The following LIMK1 variants were observed in gnomAD, a reference collection of about 807,000 sequenced individuals.
LIMK1 encodes the protein LIM domain kinase 1.
In LIMK1, 21 loss-of-function variants were observed where a neutral mutation model predicts 77.6. That is an observed-to-expected ratio of 0.27 (90% CI 0.19 to 0.39). The LOEUF (loss-of-function observed/expected upper bound fraction) is 0.39, where lower values mean the gene tolerates loss of function less well. Among genes scored for constraint, LIMK1 ranks in the 10% least tolerant of loss-of-function variants. The probability of loss-of-function intolerance (pLI) is 1.00; values close to 1 mark genes in which losing one functional copy is unlikely to be tolerated. For synonymous variants in LIMK1, 358 were observed against 370.0 expected, an observed-to-expected ratio of 0.97 and a Z score of 0.37; for missense variants, 696 against 901.6, an observed-to-expected ratio of 0.77 and a Z score of 2.92.
At chr7:74,101,657 T>C (rs782697640) in intron 5 of LIMK1, among the ~76,000 whole-genome samples, 2 of 152,176 alleles carry the variant, frequency 1.3e-5, no homozygotes, top group Non-Finnish European at 1.5e-5. Context: ...GATTTACTTA[T>C]TTGTTTTAAA....
chr7:74,105,630 T>TG lies in LIMK1; in HGVS notation c.609-242dup, dbSNP rs577824613. On this transcript the variant is annotated intron_variant, in intron 5 of 15. Coordinates refer to ENST00000336180, the MANE Select transcript of LIMK1 (RefSeq NM_002314.4). ...AATGGGAACAGCTGAGCATCTTGTGTGGGTGGCCAGTGCCTACAAGCGTGC... is the reference window on the plus strand; with the variant it reads ...AATGGGAACAGCTGAGCATCTTGTGTGGGGTGGCCAGTGCCTACAAGCGTGC... Among the ~76,000 whole-genome samples, 230 of 152,236 alleles carry TG rather than the reference T, an allele frequency of 1.5e-3. 1 individual carries two copies. The highest frequency in any genetic ancestry group is 3.4e-3 in the Middle Eastern group (1 of 294).
rs370884302 is a variant in LIMK1 at position 74,119,294 on chromosome 7, TCA to T, written c.1568-1288_1568-1287del. Among the ~76,000 whole-genome samples the T allele has an allele frequency of 2.5e-3, 384 of 152,028 alleles. 19 individuals carry two copies. The South Asian group carries it at 0.076, about 30-fold the overall frequency. On this transcript the variant is annotated intron_variant, in intron 13 of 15. Coordinates refer to ENST00000336180, the MANE Select transcript of LIMK1 (RefSeq NM_002314.4). ...CCTGGGTTCAAGTGATTCTCCTGCCTCAGTTTCCCTAGTAGCTGGGATTACAG... is the reference window on the plus strand; with the variant it reads ...CCTGGGTTCAAGTGATTCTCCTGCCTGTTTCCCTAGTAGCTGGGATTACAG...
intron 2 of LIMK1, among the ~76,000 whole-genome samples, chr7:74,086,363 T>C (rs1455058062): frequency 2.0e-5 from 3 of 152,012 alleles, no homozygotes; most frequent in Admixed American, 6.5e-5. Context: ...TTTTCTTTTA[T>C]GTATTTTTCT....
In LIMK1 at chr7:74,088,622, G is replaced by A. The variant is rs181969281; in HGVS notation, c.152+2778G>A. Among the ~76,000 whole-genome samples the A allele has an allele frequency of 7.3e-3, 1,104 of 151,912 alleles. 12 individuals carry two copies. Among genetic ancestry groups the A allele is most frequent in the African/African-American group, 0.025 (1,038 of 41,448 alleles). ...TTGAGACCAGCCTGGCCAACGTGGT[G>A]AAACCCCCGTCTCTACTAAATATTC... On this transcript the variant is annotated intron_variant, in intron 2 of 15. Transcript: ENST00000336180.
At chr7:74,119,436 C>T (rs1313366510) in intron 13 of LIMK1, among the ~76,000 whole-genome samples, 1 of 151,032 alleles carries the variant, frequency 6.6e-6, no homozygotes, top group Non-Finnish European at 1.5e-5. Flanking sequence ...GCCTCGGCCT[C>T]CCAAAGTGCT....
At chr7:74,118,273 A>G (rs1554699924) in intron 13 of LIMK1, among the ~76,000 whole-genome samples, 2 of 151,054 alleles carry the variant, frequency 1.3e-5, no homozygotes. Flanking sequence ...GCTACCCGGG[A>G]GGCTGAGGCA....
chr7:74,108,205 A>G (rs919197943), intron 9 of LIMK1, among the ~76,000 whole-genome samples: 1 of 151,776 alleles, frequency 6.6e-6, no homozygotes, highest in African/African-American at 2.4e-5. Flanking sequence ...GAGCTTGGCA[A>G]TGTGCACCTG....
rs782606330 is a variant in LIMK1, at chr7:74,107,054, G to A, written c.926G>A (p.Gly309Asp). Reference sequence around the variant, plus strand: ...AGGTCTCCGGGCGCTGGCTCACTGGGCTCCCCGGCCTCCCAGCGCAAGGAC... The same window carrying A: ...AGGTCTCCGGGCGCTGGCTCACTGGACTCCCCGGCCTCCCAGCGCAAGGAC... ...IDRSPGAGSLGSPASQRKDLG... is the reference protein window; with the variant it reads ...IDRSPGAGSLDSPASQRKDLG... The change falls in exon 8 of 16, where the codon GGC becomes GAC. Residue 309 changes from glycine to aspartate, a missense_variant. By Grantham distance (94) the Gly-to-Asp change is moderately conservative. This residue lies in a region of LIMK1 where 438 missense variants were observed against 602.3 expected (regional missense o/e 0.73). Transcript: ENST00000336180. 1.2e-6 allele frequency: 2 copies of A among 1,604,044 alleles called. No homozygotes were observed. Among genetic ancestry groups the A allele is most frequent in the Non-Finnish European group, 1.7e-6 (2 of 1,176,702 alleles).
rs534083891 is a variant in LIMK1, at chr7:74,084,882, A to T, written c.55+837A>T. On this transcript the variant is annotated intron_variant, in intron 1 of 15. Transcript: ENST00000336180. ...TGACTCCACACCTCCCCCTGCCACC[A>T]ACTCTTCCCAGGCCCATGAAAACCT... Among the ~76,000 whole-genome samples, 4 of 152,002 alleles carry T rather than the reference A, an allele frequency of 2.6e-5. No homozygotes were observed. In the East Asian group the frequency reaches 7.8e-4, roughly 29 times the overall value.
chr7:74,117,127 C>G (rs540552128), intron 13 of LIMK1, among the ~76,000 whole-genome samples: 1 of 151,936 alleles, frequency 6.6e-6, no homozygotes, highest in Admixed American at 6.6e-5. Context: ...GTGATCCGCC[C>G]GTCTCGGCCT....
chr7:74,096,207 T>C (rs1554695574), intron 2 of LIMK1, among the ~76,000 whole-genome samples: 1 of 151,324 alleles, frequency 6.6e-6, no homozygotes, highest in Non-Finnish European at 1.5e-5. Context: ...CCAAGTGATC[T>C]GCCCACCTCG....
intron 2 of LIMK1, among the ~76,000 whole-genome samples, chr7:74,088,311 G>T (rs1344963111): frequency 2.0e-5 from 3 of 152,160 alleles, no homozygotes; most frequent in Non-Finnish European, 1.5e-5. Context: ...TCTGCATCAG[G>T]TGCTCAGAAA....
At chr7:74,106,447 G>A (rs1799576180) in intron 7 of LIMK1, among the ~76,000 whole-genome samples, 1 of 152,168 alleles carries the variant, frequency 6.6e-6, no homozygotes, top group African/African-American at 2.4e-5. Context: ...AAAAAAAGAG[G>A]AAACACACAT....
intron 1 of LIMK1, 27 bp downstream of exon 1, chr7:74,084,072 A>G: frequency 7.4e-7 from 1 of 1,351,880 alleles, no homozygotes; most frequent in Admixed American, 2.4e-5. Context: ...GTGTGGGGCG[A>G]GGGCCTGGAG....
intron 13 of LIMK1, among the ~76,000 whole-genome samples, chr7:74,118,757 C>T (rs1412583763): frequency 6.6e-6 from 1 of 151,592 alleles, no homozygotes; most frequent in Admixed American, 6.6e-5. Context: ...TCTCAAAAAA[C>T]AAAAAAGTCT....
intron 2 of LIMK1, chr7:74,093,235 G>T: frequency 2.0e-6 from 3 of 1,535,778 alleles, no homozygotes; most frequent in Non-Finnish European, 2.6e-6. Flanking sequence ...AGAGCCCCCA[G>T]TGTAGCCACA....
chr7:74,108,712 C>T (rs1799633758), intron 9 of LIMK1, among the ~76,000 whole-genome samples, 193 bp from the exon 10 acceptor site: 1 of 151,018 alleles, frequency 6.6e-6, no homozygotes, highest in African/African-American at 2.4e-5. Context: ...AAAAGAGCAT[C>T]GCTGGGGGTG....
intron 9 of LIMK1, 133 bp from the exon 10 acceptor site, chr7:74,108,772 A>G (rs568344151): frequency 8.6e-6 from 12 of 1,398,034 alleles, no homozygotes; most frequent in Non-Finnish European, 1.1e-5. Flanking sequence ...TGGCAGAGGC[A>G]GGAGAGGGGA....
At chr7:74,094,828 A>G (rs1188222197) in intron 2 of LIMK1, among the ~76,000 whole-genome samples, 2 of 147,772 alleles carry the variant, frequency 1.4e-5, no homozygotes, top group Non-Finnish European at 3.0e-5. Context: ...CGCCCCTGCC[A>G]CCGCCACCAC....
Sources: allele counts gnomAD v4.1 joint callset (sites outside exome capture counted in the v4.1 genomes callset), GRCh38; gene constraint gnomAD v4.1.1; regional missense constraint gnomAD v4.1.1; transcripts MANE v1.5; gene names NCBI Gene and HGNC (gene_info 2026-07-23, HGNC 2026-07-21).